CIZ1: variants seen among roughly 807,000 people sequenced by gnomAD.
CIZ1 encodes CDKN1A interacting zinc finger protein 1, also known as cip1-interacting zinc finger protein.
Under a neutral mutation model 118.6 loss-of-function variants are expected in CIZ1, and 58 were observed. The ratio of observed to expected loss-of-function variants is 0.49; its 90% CI spans 0.40 to 0.61. CIZ1 has a LOEUF of 0.61. Ranked by LOEUF, CIZ1 falls within the 20% of genes least tolerant of loss-of-function variation. The probability of loss-of-function intolerance (pLI) is 0.00; values close to 1 mark genes in which losing one functional copy is unlikely to be tolerated. For missense variants in CIZ1, 921 were observed against 1,115.9 expected, an observed-to-expected ratio of 0.83 and a Z score of 2.49; for synonymous variants, 448 against 443.4, an observed-to-expected ratio of 1.01 and a Z score of -0.13.
intron 7 of CIZ1, 43 bp downstream of exon 7, chr9:128,180,372 C>T (rs1831420228): frequency 1.4e-6 from 2 of 1,463,456 alleles, no homozygotes; most frequent in Non-Finnish European, 1.9e-6. Context: ...GGAATGAGAG[C>T]ACAGGGCACC....
Position 128,191,544 on chromosome 9 carries a change from T to C in CIZ1, c.-118A>G, listed in dbSNP as rs1833155909. On this transcript the variant is annotated 5_prime_UTR_variant, in exon 1 of 17. Coordinates refer to ENST00000372938, the MANE Select transcript of CIZ1 (RefSeq NM_001131016.2). The surrounding 1 kb of genome is among the most constrained non-coding windows in gnomAD (Gnocchi z 5.5). Reference sequence around the variant, plus strand: ...GCCCGCGGGCTCCCGGCCTCCCCGCTGCTACTCCGGGGCCTGTGGGCTCGT... The same window carrying C: ...GCCCGCGGGCTCCCGGCCTCCCCGCCGCTACTCCGGGGCCTGTGGGCTCGT... The C allele has an allele frequency of 4.8e-6, 5 of 1,045,280 alleles. No individual in the cohort carries two copies. Among genetic ancestry groups the C allele is most frequent in the Non-Finnish European group, 5.8e-6 (5 of 868,810 alleles). 64.8% of individuals were successfully genotyped at this position (1,045,280 alleles called of 1,614,324 possible).
chr9:128,172,147 CAAAAAAAA>C (rs58895140), intron 11 of CIZ1, among the ~76,000 whole-genome samples: 28 of 69,168 alleles, frequency 4.0e-4, no homozygotes, highest in South Asian at 1.8e-3. Context: ...GACACTGTCT[CAAAAAAAA>C]AAAAAAAAAA....
In CIZ1 at chr9:128,187,893, C is replaced by T. The variant is rs762321653; in HGVS notation, c.328G>A (p.Ala110Thr). ...FAMPPATYDTAGLTMPTATLG... is the reference protein window; with the variant it reads ...FAMPPATYDTTGLTMPTATLG... Reference sequence around the variant, plus strand: ...GTTGCTGTGGGCATGGTGAGACCGGCAGTGTCATACGTGGCTGGTGGCATT... The same window carrying T: ...GTTGCTGTGGGCATGGTGAGACCGGTAGTGTCATACGTGGCTGGTGGCATT... The change falls in exon 4 of 17, where the codon GCC becomes ACC. Residue 110 changes from alanine (A) to threonine (T), a missense_variant. Physicochemically the swap from Ala to Thr is moderately conservative, Grantham distance 58. Transcript: ENST00000372938. 2.6e-6 allele frequency: 2 copies of T among 755,312 alleles called. No individual in the cohort carries two copies. Among genetic ancestry groups the T allele is most frequent in the East Asian group, 2.5e-5 (1 of 40,790 alleles). 46.8% of individuals were successfully genotyped at this position (755,312 alleles called of 1,614,324 possible).
rs1829396438 is a variant in CIZ1, at chr9:128,166,242, G to A, written c.2652C>T (p.Pro884=). The A allele has an allele frequency of 9.8e-6, 15 of 1,526,186 alleles. No homozygotes were observed. The highest frequency in any genetic ancestry group is 1.2e-5 in the Non-Finnish European group (13 of 1,129,994). 94.5% of individuals were successfully genotyped at this position (1,526,186 alleles called of 1,614,324 possible). The change falls in exon 17 of 17, where the codon CCC becomes CCT. Residue 884 remains proline, a synonymous_variant. Coordinates refer to ENST00000372938, the MANE Select transcript of CIZ1 (RefSeq NM_001131016.2). This position sits in a 1 kb window ranked among gnomAD's most constrained non-coding sequence, Gnocchi z 4.4. ...AGCGCCGAGGTAGTGGGGGCTGGGA[G>A]GGTCGAGCCGTCACCTTGCTGGGTG... ...DKTPSKVTAR[P]SQPPLPRRST...
intron 5 of CIZ1, among the ~76,000 whole-genome samples, chr9:128,183,484 G>T (rs1054028196): frequency 1.9e-4 from 29 of 152,238 alleles, no homozygotes; most frequent in Admixed American, 5.2e-4. Context: ...GCCCGCCCTG[G>T]AGTGGCCAGC....
In CIZ1 at chr9:128,166,800, G is replaced by C; in HGVS notation, c.2446C>G (p.Leu816Val). Residue 816 changes from leucine (L) to valine (V), a missense_variant, in exon 16 of 17, where the codon CTC becomes GTC. Transcript: ENST00000372938. This position sits in a 1 kb window ranked among gnomAD's most constrained non-coding sequence, Gnocchi z 4.4. ...KFYHSNSGAQ[L>V]SHCKSLGHFE... ...TGGCCCAGGGACTTGCAGTGGGAGA[G>C]CTGTGCCCCTGAGTTGCTGTGATAG... 2.5e-6 allele frequency: 4 copies of C among 1,614,210 alleles called. No individual in the cohort carries two copies. Among genetic ancestry groups the C allele is most frequent in the Non-Finnish European group, 8.5e-7 (1 of 1,180,012 alleles).
At chr9:128,172,485 T>C (rs1232659924) in intron 11 of CIZ1, among the ~76,000 whole-genome samples, 2 of 151,616 alleles carry the variant, frequency 1.3e-5, no homozygotes, top group Non-Finnish European at 2.9e-5. Context: ...GGAGCGAGAC[T>C]CCCTCTCAAA....
rs1176582883 is a variant in CIZ1 at position 128,178,976 on chromosome 9, C to T, written c.1231G>A (p.Ala411Thr). ...KQVQPQVQPQ[A>T]HSQPPRQVQL... ...ACCTGCCTTGGGGGCTGTGAATGTG[C>T]CTGGGGCTGCACCTGTGGCTGCACC... Residue 411 changes from alanine (A) to threonine (T), a missense_variant, in exon 8 of 17, where the codon GCA becomes ACA. Transcript: ENST00000372938. 1.9e-6 allele frequency: 3 copies of T among 1,612,824 alleles called. No homozygotes were observed. In the African/African-American group the frequency reaches 4.0e-5, roughly 22 times the overall value.
At chr9:128,200,651 C>T (rs1254862232) in intron 1 of CIZ1, among the ~76,000 whole-genome samples, 1 of 122,150 alleles carries the variant, frequency 8.2e-6, no homozygotes, top group Admixed American at 9.8e-5. Flanking sequence ...GAGCAAGACT[C>T]TGTCTCAAAA....
intron 11 of CIZ1, among the ~76,000 whole-genome samples, chr9:128,172,646 G>A (rs1291989095): frequency 6.6e-6 from 1 of 152,188 alleles, no homozygotes; most frequent in Non-Finnish European, 1.5e-5. Flanking sequence ...GAGACAGAAA[G>A]TGTTCGTGTT....
chr9:128,176,032 C>A (rs375760704), intron 11 of CIZ1, among the ~76,000 whole-genome samples: 1 of 152,200 alleles, frequency 6.6e-6, no homozygotes. Flanking sequence ...CCTTGTCACC[C>A]CACAGCGGGG....
chr9:128,170,541 G>C (rs992552936), intron 11 of CIZ1, among the ~76,000 whole-genome samples: 4 of 152,176 alleles, frequency 2.6e-5, no homozygotes, highest in Admixed American at 1.3e-4. Flanking sequence ...TGTGGTCCCA[G>C]GTACTCAGGA....
At chr9:128,173,632 G>C (rs1830439684) in intron 11 of CIZ1, among the ~76,000 whole-genome samples, 1 of 152,114 alleles carries the variant, frequency 6.6e-6, no homozygotes, top group Non-Finnish European at 1.5e-5. Flanking sequence ...CACAACAAAT[G>C]AAGAAAGGGG....
chr9:128,170,537 C>T (rs1295367425), intron 11 of CIZ1, among the ~76,000 whole-genome samples: 1 of 152,086 alleles, frequency 6.6e-6, no homozygotes, highest in Non-Finnish European at 1.5e-5. Context: ...CACCTGTGGT[C>T]CCAGGTACTC....
chr9:128,198,567 C>A (rs1833432724), intron 1 of CIZ1, among the ~76,000 whole-genome samples: 1 of 152,208 alleles, frequency 6.6e-6, no homozygotes, highest in Non-Finnish European at 1.5e-5. Flanking sequence ...GGCACGGTGG[C>A]TCATGCCTGT....
chr9:128,169,669 T>G (rs775161523), intron 12 of CIZ1, 150 bp from the exon 13 acceptor site: 1 of 1,538,724 alleles, frequency 6.5e-7, no homozygotes, highest in South Asian at 1.2e-5. Context: ...CACTGGAACG[T>G]GGGCAAACAC....
intron 2 of CIZ1, 117 bp downstream of exon 2, chr9:128,190,571 G>A: frequency 7.2e-7 from 1 of 1,392,218 alleles, no homozygotes; most frequent in Non-Finnish European, 9.8e-7. Flanking sequence ...GGCTGGAATT[G>A]GTGATCTCCA....
chr9:128,197,871 T>A (rs1027364643), intron 1 of CIZ1: 2 of 152,234 alleles, frequency 1.3e-5, no homozygotes, highest in African/African-American at 4.8e-5. Context: ...CACACAATCC[T>A]ATGAGTTAGG....
At chr9:128,184,155 T>G (rs1328932670) in intron 5 of CIZ1, among the ~76,000 whole-genome samples, 6 of 152,178 alleles carry the variant, frequency 3.9e-5, no homozygotes, top group Non-Finnish European at 8.8e-5. Context: ...CAAATAAATG[T>G]AACAGAAAGG....
Sources: allele counts gnomAD v4.1 joint callset (sites outside exome capture counted in the v4.1 genomes callset), GRCh38; gene constraint gnomAD v4.1.1; non-coding constraint Gnocchi (gnomAD v3.1); transcripts MANE v1.5; gene names NCBI Gene and HGNC (gene_info 2026-07-23, HGNC 2026-07-21).